CHN2: variants seen among roughly 807,000 people sequenced by gnomAD.
The protein encoded by CHN2 is chimerin 2, also known as beta-chimaerin.
Under a neutral mutation model 56.3 loss-of-function variants are expected in CHN2, and 35 were observed. That is an observed-to-expected ratio of 0.62 (90% CI 0.47 to 0.82). The LOEUF is 0.82. Ranked by LOEUF, CHN2 falls within the 40% of genes least tolerant of loss-of-function variation. The probability of loss-of-function intolerance (pLI) is 0.00; values close to 1 mark genes in which losing one functional copy is unlikely to be tolerated. For missense variants in CHN2, 491 were observed against 580.5 expected (o/e 0.85, Z 1.58); for synonymous variants, 210 against 212.8 (o/e 0.99, Z 0.12).
intron 2 of CHN2, among the ~76,000 whole-genome samples, chr7:29,364,551 C>G (rs1040554237): frequency 3.9e-5 from 6 of 152,108 alleles, no homozygotes; most frequent in African/African-American, 1.4e-4. Flanking sequence ...ACAGTAACAT[C>G]CTGCTAAAAA....
At chr7:29,227,819 C>T (rs1786330113) in intron 1 of CHN2, among the ~76,000 whole-genome samples, 2 of 152,152 alleles carry the variant, frequency 1.3e-5, no homozygotes, top group Non-Finnish European at 2.9e-5. Flanking sequence ...GTGCTTCTGT[C>T]ATCTGTCACT....
chr7:29,240,311 C>T (rs1434175372), intron 1 of CHN2, among the ~76,000 whole-genome samples: 1 of 152,186 alleles, frequency 6.6e-6, no homozygotes, highest in African/African-American at 2.4e-5. Flanking sequence ...TCCCCTTCAC[C>T]CCTTCCCTCC....
At chr7:29,363,205 GCTGA>G (rs1195260356) in intron 2 of CHN2, among the ~76,000 whole-genome samples, 1 of 152,230 alleles carries the variant, frequency 6.6e-6, no homozygotes, top group Non-Finnish European at 1.5e-5. Flanking sequence ...GTACTACAAG[GCTGA>G]GCGTGGTGGC....
Position 29,295,314 on chromosome 7 carries a change from AACAC to A in CHN2, c.50-59281_50-59278del, listed in dbSNP as rs58693628. On this transcript the variant is annotated intron_variant, in intron 1 of 12. Transcript: ENST00000222792. ...GACTATATCCCTCAGTTTAGCTGTG[AACAC>A]ACACACACACACACACACACACACA... Among the ~76,000 whole-genome samples the A allele has an allele frequency of 1.5e-3, 215 of 145,044 alleles. 1 individual carries two copies. Among genetic ancestry groups the A allele is most frequent in the South Asian group, 5.2e-3 (23 of 4,386 alleles).
intron 10 of CHN2, among the ~76,000 whole-genome samples, chr7:29,505,633 C>G (rs1421133678): frequency 2.0e-5 from 3 of 152,244 alleles, no homozygotes; most frequent in Non-Finnish European, 4.4e-5. Context: ...CACCTGTAAT[C>G]AGGGGTCAGC....
chr7:29,252,185 G>A (rs1788601967), intron 1 of CHN2, among the ~76,000 whole-genome samples: 1 of 124,802 alleles, frequency 8.0e-6, no homozygotes, highest in Non-Finnish European at 1.6e-5. Context: ...AGATTATACA[G>A]GATTTTTTTT....
intron 1 of CHN2, among the ~76,000 whole-genome samples, chr7:29,306,149 G>C (rs1794142170): frequency 6.6e-6 from 1 of 152,094 alleles, no homozygotes; most frequent in Non-Finnish European, 1.5e-5. Flanking sequence ...ATGGAAGCTG[G>C]TATGTGATTA....
chr7:29,148,718 A>G (rs1474637334), intron 2 of CHN2: 2 of 152,196 alleles, frequency 1.3e-5, no homozygotes, highest in African/African-American at 4.8e-5. Context: ...TAGACACTTG[A>G]TTAAAAAGAA....
intron 2 of CHN2, among the ~76,000 whole-genome samples, chr7:29,355,224 G>T (rs1375981353): frequency 6.6e-6 from 1 of 152,104 alleles, no homozygotes. Flanking sequence ...GCCTGCCTCG[G>T]CCTCCCAAAG....
chr7:29,169,861 C>CGTGTGT (rs71555785), intron 2 of CHN2, among the ~76,000 whole-genome samples: 53 of 147,930 alleles, frequency 3.6e-4, no homozygotes, highest in African/African-American at 5.5e-4. Context: ...AGTATATATA[C>CGTGTGT]GTGTGTGTGT....
chr7:29,353,903 A>G (rs1798088137), intron 1 of CHN2, among the ~76,000 whole-genome samples: 1 of 152,198 alleles, frequency 6.6e-6, no homozygotes, highest in Admixed American at 6.5e-5. Flanking sequence ...CTGCATCAGA[A>G]TTTATAAATT....
intron 1 of CHN2, among the ~76,000 whole-genome samples, chr7:29,318,869 A>C (rs1016660341): frequency 1.3e-5 from 2 of 152,224 alleles, no homozygotes; most frequent in African/African-American, 4.8e-5. Context: ...ATAGAAAGGA[A>C]AAATTTAATT....
chr7:29,246,419 C>T (rs151284564), intron 1 of CHN2, among the ~76,000 whole-genome samples: 17 of 152,232 alleles, frequency 1.1e-4, no homozygotes, highest in African/African-American at 3.1e-4. Flanking sequence ...AACTTCTTCC[C>T]TCCTTGTTTC....
chr7:29,336,759 C>CAA (rs5883205), intron 1 of CHN2, among the ~76,000 whole-genome samples: 2 of 68,580 alleles, frequency 2.9e-5, no homozygotes, highest in African/African-American at 6.4e-5. Flanking sequence ...GATTCTGTCT[C>CAA]AAAAAAAAAA....
intron 1 of CHN2, among the ~76,000 whole-genome samples, chr7:29,223,902 T>C (rs536206520): frequency 7.9e-5 from 12 of 152,336 alleles, no homozygotes; most frequent in African/African-American, 2.4e-4. Flanking sequence ...TTAGTTGCGA[T>C]GTATTGACAC....
chr7:29,417,720 T>C (rs1803916899), intron 6 of CHN2, among the ~76,000 whole-genome samples: 2 of 152,132 alleles, frequency 1.3e-5, no homozygotes, highest in South Asian at 4.1e-4. Flanking sequence ...AATAACACAG[T>C]TTGCAAGTTT....
chr7:29,331,589 G>C (rs1327558999), intron 1 of CHN2, among the ~76,000 whole-genome samples: 1 of 152,140 alleles, frequency 6.6e-6, no homozygotes, highest in Non-Finnish European at 1.5e-5. Flanking sequence ...GTTGGTAGAG[G>C]TCAACACCCT....
intron 1 of CHN2, among the ~76,000 whole-genome samples, chr7:29,235,127 AC>A (rs1402087676): frequency 6.6e-6 from 1 of 152,180 alleles, no homozygotes; most frequent in Non-Finnish European, 1.5e-5. Context: ...AAAAGCAAAT[AC>A]CCATGCATCC....
Position 29,382,113 on chromosome 7 carries a change from G to C in CHN2, c.145-11566G>C, listed in dbSNP as rs185626766. On this transcript the variant is annotated intron_variant, in intron 3 of 12. Coordinates refer to ENST00000222792, the MANE Select transcript of CHN2 (RefSeq NM_004067.4). ...GATCGACAGGGTTGATATATGTAAA[G>C]AAAGTGCTTAGAACAATGCCTGGTA... Among the ~76,000 whole-genome samples the C allele has an allele frequency of 4.0e-4, 61 of 152,312 alleles. 1 individual carries two copies. The highest frequency in any genetic ancestry group is 6.5e-4 in the Admixed American group (10 of 15,304).
Sources: allele counts gnomAD v4.1 joint callset (sites outside exome capture counted in the v4.1 genomes callset), GRCh38; gene constraint gnomAD v4.1.1; transcripts MANE v1.5; gene names NCBI Gene and HGNC (gene_info 2026-07-23, HGNC 2026-07-21).